PSMF1: variants seen among roughly 807,000 people sequenced by gnomAD.
PSMF1 encodes proteasome inhibitor PI31 subunit.
PSMF1 carries 30 observed loss-of-function variants against 29.3 expected under a neutral mutation model. The ratio of observed to expected loss-of-function variants is 1.02; its 90% confidence interval spans 0.77 to 1.39. PSMF1 has a LOEUF of 1.39. Among genes scored for constraint, PSMF1 ranks in the 40% most tolerant of loss-of-function variants. The pLI, the probability that PSMF1 is intolerant of heterozygous loss-of-function variation, is 0.00. For missense variants in PSMF1, 344 were observed against 357.5 expected, an observed-to-expected ratio of 0.96 and a Z score of 0.31; for synonymous variants, 134 against 139.7, an observed-to-expected ratio of 0.96 and a Z score of 0.29.
Position 1,152,068 on chromosome 20 carries a change from C to T in PSMF1, c.552-11062C>T, listed in dbSNP as rs114158833. On this transcript the variant is annotated intron_variant, in intron 4 of 6. Transcript: ENST00000335877. ...TACGTGGTTGGGACTCGGTTAACCACGGATTTTTTTTTTTCCTCTTGAAGA... is the reference window on the plus strand; with the variant it reads ...TACGTGGTTGGGACTCGGTTAACCATGGATTTTTTTTTTTCCTCTTGAAGA... 2.8e-3 allele frequency among the ~76,000 whole-genome samples: 424 copies of T among 152,072 alleles called. 5 individuals are homozygous for T. Among genetic ancestry groups the T allele is most frequent in the Admixed American group, 0.016 (239 of 15,278 alleles).
Position 1,132,850 on chromosome 20 carries a change from T to C in PSMF1, c.366-2271T>C, listed in dbSNP as rs2086247806. Among the ~76,000 whole-genome samples, 8 of 152,290 alleles carry C rather than the reference T, an allele frequency of 5.3e-5. 1 individual carries two copies. In the South Asian group the frequency reaches 1.7e-3, roughly 32 times the overall value. ...GGAGATGATTATGAATGGCATATTC[T>C]GTCCTTTGTTTTGGTTTTCAAATGT... On this transcript the variant is annotated intron_variant, in intron 3 of 6. Transcript: ENST00000335877.
intron 4 of PSMF1, among the ~76,000 whole-genome samples, chr20:1,143,824 C>T (rs558487727): frequency 4.6e-5 from 7 of 152,264 alleles, no homozygotes; most frequent in Admixed American, 1.3e-4. Flanking sequence ...GGCATGGTGG[C>T]TCATGCCTGT....
At chr20:1,155,265 G>C (rs1211616790) in intron 4 of PSMF1, among the ~76,000 whole-genome samples, 2 of 152,232 alleles carry the variant, frequency 1.3e-5, no homozygotes, top group Admixed American at 1.3e-4. Flanking sequence ...TGCTCAGAGA[G>C]AGTGGGAAAA....
intron 4 of PSMF1, among the ~76,000 whole-genome samples, chr20:1,135,787 G>A (rs1217231811): frequency 6.6e-6 from 1 of 152,218 alleles, no homozygotes; most frequent in Non-Finnish European, 1.5e-5. Flanking sequence ...ATCAAGTTCA[G>A]AAGTTTTCCA....
chr20:1,116,444 A>T (rs945432376), upstream of PSMF1, among the ~76,000 whole-genome samples: 1 of 152,238 alleles, frequency 6.6e-6, no homozygotes, highest in African/African-American at 2.4e-5. Flanking sequence ...GAATCTCTGC[A>T]GAAGGGGTTC....
At chr20:1,127,546 G>A (rs2086174868) in intron 3 of PSMF1, 38 bp downstream of exon 3, 3 of 1,497,576 alleles carry the variant, frequency 2.0e-6, no homozygotes, top group Non-Finnish European at 2.8e-6. Context: ...GGAAAAAGAA[G>A]AGAGAACTAA....
intron 4 of PSMF1, among the ~76,000 whole-genome samples, chr20:1,149,602 A>G (rs1393623730): frequency 1.3e-5 from 2 of 152,234 alleles, no homozygotes; most frequent in African/African-American, 4.8e-5. Flanking sequence ...TTGAATAAGC[A>G]TGGTTTGTCA....
In PSMF1 at chr20:1,171,875, GTT is replaced by G. The variant is rs2086793665; in HGVS notation, c.*6796_*6797del. 1.3e-5 allele frequency among the ~76,000 whole-genome samples: 2 copies of G among 152,260 alleles called. No homozygotes were observed. Among genetic ancestry groups the G allele is most frequent in the African/African-American group, 4.8e-5 (2 of 41,468 alleles). On this transcript the variant is annotated 3_prime_UTR_variant, in exon 7 of 7. Coordinates refer to ENST00000335877, the MANE Select transcript of PSMF1 (RefSeq NM_006814.5). Reference sequence around the variant, plus strand: ...TCCTTCAGAAGGAAGTATGGGAGCAGTTCCATCCTCAAGGTTTCTTGGTTCCC... The same window carrying G: ...TCCTTCAGAAGGAAGTATGGGAGCAGCCATCCTCAAGGTTTCTTGGTTCCC...
At chr20:1,127,248 C>T (rs1377034745) in intron 2 of PSMF1, 178 bp from the exon 3 acceptor site, 2 of 764,036 alleles carry the variant, frequency 2.6e-6, no homozygotes, top group African/African-American at 1.7e-5. Flanking sequence ...GGCAATATTC[C>T]TAAATCAGAG....
intron 4 of PSMF1, among the ~76,000 whole-genome samples, chr20:1,152,952 A>G (rs1307454077): frequency 1.3e-5 from 2 of 152,184 alleles, no homozygotes; most frequent in Admixed American, 1.3e-4. Context: ...ATAGATTCCT[A>G]TAGAATTACT....
chr20:1,147,594 T>C (rs751608284), intron 4 of PSMF1, among the ~76,000 whole-genome samples: 63 of 152,264 alleles, frequency 4.1e-4, no homozygotes, highest in Non-Finnish European at 7.6e-4. Flanking sequence ...ACTGGAGAGA[T>C]GGTTGGAAGA....
chr20:1,125,601 T>G lies in PSMF1; in HGVS notation c.233T>G (p.Leu78Arg). ...RYEYKDGSRK[L>R]LVKAITVESS... ...GAGTATAAGGATGGGTCCAGAAAGCTCCTTGTGAAAGCCATCACCGTGGAG... is the reference window on the plus strand; with the variant it reads ...GAGTATAAGGATGGGTCCAGAAAGCGCCTTGTGAAAGCCATCACCGTGGAG... The change falls in exon 2 of 7, where the codon CTC becomes CGC. Residue 78 changes from leucine (L) to arginine (R), a missense_variant. Physicochemically the swap from Leu to Arg is moderately radical, Grantham distance 102. Transcript: ENST00000335877. 1.2e-6 allele frequency: 2 copies of G among 1,614,008 alleles called. No individual in the cohort carries two copies. The highest frequency in any genetic ancestry group is 1.7e-6 in the Non-Finnish European group (2 of 1,179,970).
rs75696635 is a variant in PSMF1 at position 1,141,554 on chromosome 20, C to G, written c.551+6248C>G. On this transcript the variant is annotated intron_variant, in intron 4 of 6. Coordinates refer to ENST00000335877, the MANE Select transcript of PSMF1 (RefSeq NM_006814.5). ...CCTAAACAATATTTTAAGGACTCAT[C>G]ATCATACCAGCAAACGTGATTTATT... Among the ~76,000 whole-genome samples the G allele has an allele frequency of 9.9e-5, 15 of 152,044 alleles. No homozygotes were observed. In the East Asian group the frequency reaches 2.1e-3, roughly 22 times the overall value.
intron 1 of PSMF1, among the ~76,000 whole-genome samples, chr20:1,121,019 A>T (rs965682708): frequency 6.6e-6 from 1 of 152,200 alleles, no homozygotes. Context: ...TAGGGACATG[A>T]GTTCACATAA....
chr20:1,166,250 A>G lies in PSMF1; in HGVS notation c.*1170A>G. The stretch of plus-strand genomic sequence containing the variant: ...AGCCCGAGGCCTGACAGACGCGGGC[A>G]GTGATGAGCCCTGTTCTGGAGTGGA... On this transcript the variant is annotated 3_prime_UTR_variant, in exon 7 of 7. Transcript: ENST00000335877. 1.9e-6 allele frequency: 3 copies of G among 1,612,470 alleles called. No individual in the cohort carries two copies. Among genetic ancestry groups the G allele is most frequent in the Non-Finnish European group, 2.5e-6 (3 of 1,179,722 alleles).
chr20:1,125,615 A>G lies in PSMF1; in HGVS notation c.247A>G (p.Ile83Val), dbSNP rs746554665. 2 of 1,613,938 alleles carry G rather than the reference A, an allele frequency of 1.2e-6. No homozygotes were observed. Among genetic ancestry groups the G allele is most frequent in the Non-Finnish European group, 1.7e-6 (2 of 1,179,878 alleles). The change falls in exon 2 of 7, where the codon ATC becomes GTC. Residue 83 changes from isoleucine (I) to valine (V), a missense_variant. By Grantham distance (29) the Ile-to-Val change is conservative (BLOSUM62 3). Transcript: ENST00000335877. ...DGSRKLLVKA[I>V]TVESSMILNV... ...GTCCAGAAAGCTCCTTGTGAAAGCCATCACCGTGGAGAGCAGCATGATCCT... is the reference window on the plus strand; with the variant it reads ...GTCCAGAAAGCTCCTTGTGAAAGCCGTCACCGTGGAGAGCAGCATGATCCT...
At position 1,168,828 on chromosome 20, in the gene PSMF1, T is replaced by C. The variant is rs1761224220; in HGVS notation, c.*3748T>C. On this transcript the variant is annotated 3_prime_UTR_variant, in exon 7 of 7. Transcript: ENST00000335877. ...TTTGTCACCTAAATTTGTCTACTTCTGTACATTTCCAATAAGGCACCACCA... is the reference window on the plus strand; with the variant it reads ...TTTGTCACCTAAATTTGTCTACTTCCGTACATTTCCAATAAGGCACCACCA... 6.6e-6 allele frequency among the ~76,000 whole-genome samples: 1 copy of C among 152,226 alleles called. No individual in the cohort carries two copies. The highest frequency in any genetic ancestry group is 2.1e-4 in the South Asian group (1 of 4,828).
Position 1,136,691 on chromosome 20 carries a change from C to T in PSMF1, c.551+1385C>T, listed in dbSNP as rs148636012. Among the ~76,000 whole-genome samples, 987 of 152,190 alleles carry T rather than the reference C, an allele frequency of 6.5e-3. 8 individuals carry two copies. Among genetic ancestry groups the T allele is most frequent in the African/African-American group, 0.023 (940 of 41,498 alleles). ...CACTGGAGAGCATGGATGTTTACAC[C>T]TGTATGTGGAATTATCTTGAATTCA... On this transcript the variant is annotated intron_variant, in intron 4 of 6. Coordinates refer to ENST00000335877, the MANE Select transcript of PSMF1 (RefSeq NM_006814.5).
chr20:1,133,087 CT>C (rs776285321), intron 3 of PSMF1, among the ~76,000 whole-genome samples: 1 of 149,634 alleles, frequency 6.7e-6, no homozygotes, highest in Non-Finnish European at 1.5e-5. Context: ...TTTTTCTTGC[CT>C]TATTGCAGTG....
Sources: allele counts gnomAD v4.1 joint callset (sites outside exome capture counted in the v4.1 genomes callset), GRCh38; gene constraint gnomAD v4.1.1; transcripts MANE v1.5; gene names NCBI Gene and HGNC (gene_info 2026-07-23, HGNC 2026-07-21).